The following UNC79 variants were observed in gnomAD, a reference collection of about 807,000 sequenced individuals.
UNC79 encodes the protein unc-79 subunit of NALCN channel complex.
UNC79 carries 37 observed loss-of-function variants against 283.1 expected under a neutral mutation model. The ratio of observed to expected loss-of-function variants is 0.13; its 90% CI spans 0.10 to 0.17. The LOEUF (loss-of-function observed/expected upper bound fraction) is 0.17, where lower values mean the gene tolerates loss of function less well. Ranked by LOEUF, UNC79 falls within the 10% of genes least tolerant of loss-of-function variation. UNC79 has a pLI of 1.00. For synonymous variants in UNC79, 1,107 were observed against 1,200.2 expected (o/e 0.92, Z 1.61); for missense variants, 2,272 against 3,211.1 (o/e 0.71, Z 7.07).
intron 7 of UNC79, among the ~76,000 whole-genome samples, chr14:93,501,439 C>T (rs1177381350): frequency 6.6e-6 from 1 of 152,018 alleles, no homozygotes; most frequent in Non-Finnish European, 1.5e-5. Context: ...CCTGTAATCC[C>T]AGCACTTTGG....
At position 93,628,844 on chromosome 14, in the gene UNC79, A is replaced by G. The variant is rs536829397; in HGVS notation, c.5609-1957A>G. ...ACAGAATCTTAGTACACTAATGCTT[A>G]TTACCGACCTTCTTACAGCAAGACG... On this transcript the variant is annotated intron_variant, in intron 30 of 48. Coordinates refer to ENST00000555664, the Ensembl canonical transcript of UNC79. Among the ~76,000 whole-genome samples, 5 of 152,352 alleles carry G rather than the reference A, an allele frequency of 3.3e-5. No individual in the cohort carries two copies. In the South Asian group the frequency reaches 1.0e-3, roughly 32 times the overall value.
At chr14:93,443,509 C>T (rs2056373913) in intron 1 of UNC79, among the ~76,000 whole-genome samples, 1 of 151,550 alleles carries the variant, frequency 6.6e-6, no homozygotes, top group African/African-American at 2.4e-5. Flanking sequence ...CTGCAACCTC[C>T]GCCTCTTAGG....
At chr14:93,446,999 G>C (rs2056480772) in intron 1 of UNC79, among the ~76,000 whole-genome samples, 1 of 152,104 alleles carries the variant, frequency 6.6e-6, no homozygotes, top group African/African-American at 2.4e-5. Context: ...TTAGATTATG[G>C]AATTCCTTTT....
At chr14:93,402,290 A>AAAAAAG (rs2055125532) in intron 1 of UNC79, among the ~76,000 whole-genome samples, 1 of 139,318 alleles carries the variant, frequency 7.2e-6, no homozygotes, top group Non-Finnish European at 1.5e-5. Context: ...AAAAAAAAAA[A>AAAAAAG]AAAAGAAAAG....
At chr14:93,404,279 A>T in intron 1 of UNC79, among the ~76,000 whole-genome samples, 1 of 150,432 alleles carries the variant, frequency 6.6e-6, no homozygotes, top group Non-Finnish European at 1.5e-5. Flanking sequence ...CATTTCATTT[A>T]AAAAATGTGA....
At chr14:93,488,427 G>C (rs984346941) in intron 5 of UNC79, among the ~76,000 whole-genome samples, 2 of 151,700 alleles carry the variant, frequency 1.3e-5, no homozygotes, top group African/African-American at 2.4e-5. Flanking sequence ...CAAAACATGT[G>C]CTAACATGTA....
exon 32 of UNC79, chr14:93,637,223 A>G: frequency 2.4e-6 from 3 of 1,237,766 alleles, no homozygotes; most frequent in Non-Finnish European, 3.6e-6. Flanking sequence ...CAGAACAGAT[A>G]CAGCCTGGGA....
intron 18 of UNC79, among the ~76,000 whole-genome samples, chr14:93,578,604 ATG>A (rs1595926543): frequency 6.6e-6 from 1 of 152,174 alleles, no homozygotes; most frequent in African/African-American, 2.4e-5. Flanking sequence ...CTTTCTCTGC[ATG>A]TGTATGCGTT....
At position 93,590,494 on chromosome 14, in the gene UNC79, A is replaced by G. The variant is rs182392517; in HGVS notation, c.3033-3186A>G. 2.3e-3 allele frequency among the ~76,000 whole-genome samples: 354 copies of G among 152,336 alleles called. 3 individuals carry two copies. The highest frequency in any genetic ancestry group is 8.2e-3 in the African/African-American group (340 of 41,578). On this transcript the variant is annotated intron_variant, in intron 22 of 48. Coordinates refer to ENST00000555664, the Ensembl canonical transcript of UNC79. ...GGGTCGAGAGTTAGGCAGACGCTCC[A>G]TGAATTCAACATGGGAATACGAGAT...
At chr14:93,555,107 T>G (rs1004154178) in intron 14 of UNC79, among the ~76,000 whole-genome samples, 3 of 152,226 alleles carry the variant, frequency 2.0e-5, no homozygotes, top group Non-Finnish European at 4.4e-5. Context: ...ACCTGCCTAA[T>G]TTAGACTGAA....
rs565136367 is a variant in UNC79, at chr14:93,403,999, C to T, written c.-350-63672C>T. On this transcript the variant is annotated intron_variant, in intron 1 of 49. Coordinates refer to the UNC79 transcript ENST00000256339. ...GTAGGACTGTTTTCTAGCTGTATAA[C>T]TTTTTGGAAACAAATAATCAAGGAT... Among the ~76,000 whole-genome samples, 48 of 151,508 alleles carry T rather than the reference C, an allele frequency of 3.2e-4. No individual in the cohort carries two copies. The East Asian group carries it at 9.1e-3, about 29-fold the overall frequency.
intron 47 of UNC79, among the ~76,000 whole-genome samples, chr14:93,696,116 T>C (rs943153826): frequency 6.6e-6 from 1 of 152,134 alleles, no homozygotes; most frequent in Non-Finnish European, 1.5e-5. Flanking sequence ...TTGCGATTAA[T>C]CCATGTTATT....
intron 22 of UNC79, among the ~76,000 whole-genome samples, chr14:93,588,740 CAAAAAAAAAAAA>C (rs397745981): frequency 2.8e-4 from 5 of 17,760 alleles, no homozygotes; most frequent in Non-Finnish European, 6.0e-4. Flanking sequence ...GACTCCGTCT[CAAAAAAAAAAAA>C]AAAAAAAAAA....
At chr14:93,542,064 G>A (rs911368497) in intron 13 of UNC79, among the ~76,000 whole-genome samples, 5 of 150,902 alleles carry the variant, frequency 3.3e-5, no homozygotes, top group African/African-American at 1.2e-4. Context: ...GGACTCCAAG[G>A]TATCTGAATT....
chr14:93,673,302 T>C (rs746978328), intron 40 of UNC79, 49 bp from the exon 44 acceptor site: 30 of 1,553,762 alleles, frequency 1.9e-5, no homozygotes, highest in Non-Finnish European at 2.5e-5. Context: ...GGATATACTC[T>C]AATTGAATTT....
At chr14:93,703,540 C>G (rs1230764161) in intron 47 of UNC79, among the ~76,000 whole-genome samples, 1 of 152,200 alleles carries the variant, frequency 6.6e-6, no homozygotes, top group East Asian at 1.9e-4. Context: ...GCTCACCCTA[C>G]TCAAGTATGA....
At chr14:93,496,131 C>T (rs554774470) in intron 5 of UNC79, among the ~76,000 whole-genome samples, 1 of 152,140 alleles carries the variant, frequency 6.6e-6, no homozygotes, top group South Asian at 2.1e-4. Context: ...TATGTTGATA[C>T]AAGTTTATTT....
intron 46 of UNC79, among the ~76,000 whole-genome samples, chr14:93,692,957 A>G (rs1156916455): frequency 6.6e-6 from 1 of 152,230 alleles, no homozygotes; most frequent in East Asian, 1.9e-4. Flanking sequence ...GGGACACCAT[A>G]ATGATGATTC....
chr14:93,648,971 G>C (rs74073859), intron 35 of UNC79, among the ~76,000 whole-genome samples: 6,152 of 152,248 alleles, frequency 0.04, 361 homozygotes, highest in African/African-American at 0.13. Context: ...GTGTGCGTGC[G>C]TGTGTATAGC....
Sources: allele counts gnomAD v4.1 joint callset (sites outside exome capture counted in the v4.1 genomes callset), GRCh38; gene constraint gnomAD v4.1.1; transcripts MANE v1.5; gene names NCBI Gene and HGNC (gene_info 2026-07-23, HGNC 2026-07-21).